Variants in DNAH8 observed in about 807,000 individuals in gnomAD.
DNAH8 encodes the protein axonemal beta dynein heavy chain 8.
A neutral mutation model predicts 562.1 loss-of-function variants in DNAH8; 382 were observed. The ratio of observed to expected loss-of-function variants is 0.68; its 90% confidence interval spans 0.63 to 0.74. DNAH8 has a LOEUF of 0.74. Ranked by LOEUF, DNAH8 falls within the 30% of genes least tolerant of loss-of-function variation. The probability of loss-of-function intolerance (pLI) is 0.00; values close to 1 mark genes in which losing one functional copy is unlikely to be tolerated. For synonymous variants in DNAH8, 1,881 were observed against 1,919.4 expected, an observed-to-expected ratio of 0.98 and a Z score of 0.52; for missense variants, 5,203 against 5,620.4, an observed-to-expected ratio of 0.93 and a Z score of 2.37.
At position 39,030,492 on chromosome 6, in the gene DNAH8, A is replaced by T; in HGVS notation, c.*100A>T. 1 of 1,058,424 alleles carries T rather than the reference A, an allele frequency of 9.4e-7. No homozygotes were observed. Among genetic ancestry groups the T allele is most frequent in the Non-Finnish European group, 1.4e-6 (1 of 733,790 alleles). The allele number at this position is 1,058,424 out of a possible 1,614,324, so 65.6% of individuals were successfully genotyped here. A position where few individuals can be genotyped will look rare whatever the true frequency, so the allele number is the denominator to read the frequency against. ...TGTCTTTTCTCCCCAGTAATTCCTT[A>T]ATTACTCTTTCTACATTAAAAAGTT... On this transcript the variant is annotated 3_prime_UTR_variant, in exon 93 of 93. Transcript: ENST00000327475.
Position 38,917,374 on chromosome 6 carries a change from T to G in DNAH8, c.10276T>G (p.Cys3426Gly). The G allele has an allele frequency of 6.2e-7, 1 of 1,613,696 alleles. No homozygotes were observed. The highest frequency in any genetic ancestry group is 1.7e-5 in the Admixed American group (1 of 59,996). The change falls in exon 69 of 93, where the codon TGC becomes GGC. Residue 3426 changes from cysteine (C) to glycine (G), a missense_variant. Cys to Gly is a radical substitution (Grantham distance 159). Transcript: ENST00000327475. ...DPVTMDPEKSCCKPSWGESLK... is the reference protein window; with the variant it reads ...DPVTMDPEKSGCKPSWGESLK... ...TGTTACTATGGATCCAGAAAAATCT[T>G]GCTGTAAGCCATCATGGGGAGAGTC...
intron 82 of DNAH8, among the ~76,000 whole-genome samples, chr6:38,958,646 C>CAAAAAAAAAA (rs35382684): frequency 1.7e-5 from 1 of 58,892 alleles, no homozygotes. Context: ...AGTCTCCCAT[C>CAAAAAAAAAA]AAAAAAAAAA....
chr6:38,890,598 T>C, intron 57 of DNAH8, 54 bp from the exon 58 acceptor site: 1 of 1,267,150 alleles, frequency 7.9e-7, no homozygotes, highest in Non-Finnish European at 1.2e-6. Context: ...GGGATAAACA[T>C]ATACTTGGAA....
rs956522825 is a variant in DNAH8 at position 38,935,807 on chromosome 6, A to G, written c.11563+110A>G. ...GATGTTAGGAAATACTCATGTTATCAATGCAAAAACAAGCAAGGCAATTTC... is the reference window on the plus strand; with the variant it reads ...GATGTTAGGAAATACTCATGTTATCGATGCAAAAACAAGCAAGGCAATTTC... On this transcript the variant is annotated intron_variant, in intron 77 of 92. Transcript: ENST00000327475. The G allele has an allele frequency of 1.1e-5, 8 of 761,154 alleles. No individual in the cohort carries two copies. In the Admixed American group the frequency reaches 2.5e-4, roughly 24 times the overall value. 47.2% of individuals were successfully genotyped at this position (761,154 alleles called of 1,614,324 possible). A position where few individuals can be genotyped will look rare whatever the true frequency, so the allele number is the denominator to read the frequency against.
rs368274290 is a variant in DNAH8 at position 38,926,328 on chromosome 6, A to C, written c.11118+118A>C. ...CCATGACAAATGTTTGCTAATTCAC[A>C]CTCTTGAGTTTTGTAACAGCAATTT... On this transcript the variant is annotated intron_variant, in intron 74 of 92. Coordinates refer to ENST00000327475, the MANE Select transcript of DNAH8 (RefSeq NM_001206927.2). 30 of 1,155,166 alleles carry C rather than the reference A, an allele frequency of 2.6e-5. No individual in the cohort carries two copies. In the East Asian group the frequency reaches 5.8e-4, roughly 22 times the overall value. 71.6% of individuals were successfully genotyped at this position (1,155,166 alleles called of 1,614,324 possible).
intron 88 of DNAH8, among the ~76,000 whole-genome samples, chr6:38,990,797 G>T (rs559386646): frequency 9.2e-5 from 14 of 152,292 alleles, no homozygotes; most frequent in African/African-American, 3.1e-4. Flanking sequence ...ATGCTCCCCA[G>T]TTCCAAGCCC....
intron 88 of DNAH8, among the ~76,000 whole-genome samples, chr6:39,004,893 C>A (rs1475326478): frequency 2.0e-5 from 3 of 152,148 alleles, no homozygotes; most frequent in Admixed American, 6.5e-5. Context: ...AAATAGTATT[C>A]CAGTGCCACA....
intron 91 of DNAH8, among the ~76,000 whole-genome samples, chr6:39,013,724 G>T (rs1766380677): frequency 6.6e-6 from 1 of 152,148 alleles, no homozygotes. Flanking sequence ...GGTGGCATGT[G>T]CCTGTAGTCC....
At chr6:38,837,727 A>G (rs1258456670) in intron 32 of DNAH8, among the ~76,000 whole-genome samples, 2 of 152,236 alleles carry the variant, frequency 1.3e-5, no homozygotes, top group African/African-American at 4.8e-5. Flanking sequence ...TTTATATAAA[A>G]TGAATGCTTT....
chr6:38,856,080 G>A (rs1040871677), intron 41 of DNAH8, among the ~76,000 whole-genome samples: 2 of 152,130 alleles, frequency 1.3e-5, no homozygotes, highest in Non-Finnish European at 1.5e-5. Context: ...CTATAATTTT[G>A]TGTCCTTTAG....
At chr6:38,970,607 A>G (rs1257245844) in intron 82 of DNAH8, among the ~76,000 whole-genome samples, 1 of 152,144 alleles carries the variant, frequency 6.6e-6, no homozygotes, top group Non-Finnish European at 1.5e-5. Context: ...TGCCATTTAA[A>G]TGGTGTGTCC....
At chr6:38,901,957 GC>G (rs1780110480) in intron 62 of DNAH8, among the ~76,000 whole-genome samples, 1 of 152,080 alleles carries the variant, frequency 6.6e-6, no homozygotes, top group Non-Finnish European at 1.5e-5. Context: ...CTCCCAGGTG[GC>G]AGAGCTCAGT....
At chr6:38,811,261 A>T (rs1771769581) in intron 24 of DNAH8, among the ~76,000 whole-genome samples, 1 of 152,214 alleles carries the variant, frequency 6.6e-6, no homozygotes, top group Non-Finnish European at 1.5e-5. Flanking sequence ...CACATAACTT[A>T]TTGTTCCAAC....
intron 11 of DNAH8, among the ~76,000 whole-genome samples, chr6:38,768,654 A>G (rs1425593869): frequency 1.3e-5 from 2 of 152,154 alleles, no homozygotes; most frequent in African/African-American, 4.8e-5. Context: ...AATTTCCCCA[A>G]TTTGTCTAAA....
chr6:38,890,198 C>T (rs933139703), intron 57 of DNAH8, among the ~76,000 whole-genome samples: 1 of 152,078 alleles, frequency 6.6e-6, no homozygotes, highest in South Asian at 2.1e-4. Context: ...CTTGAACAAT[C>T]GGCTTCACCT....
At chr6:39,024,442 G>A (rs1767138593) in intron 91 of DNAH8, among the ~76,000 whole-genome samples, 1 of 152,190 alleles carries the variant, frequency 6.6e-6, no homozygotes, top group South Asian at 2.1e-4. Flanking sequence ...CCTTAGAATG[G>A]AGAATTGGGT....
chr6:38,827,227 T>G (rs1773410577), intron 29 of DNAH8, among the ~76,000 whole-genome samples: 1 of 152,210 alleles, frequency 6.6e-6, no homozygotes, highest in African/African-American at 2.4e-5. Context: ...GGCCCGCCTG[T>G]TAATCCAGGG....
At chr6:38,913,108 C>T (rs1473007644) in intron 66 of DNAH8, among the ~76,000 whole-genome samples, 2 of 152,130 alleles carry the variant, frequency 1.3e-5, no homozygotes, top group Non-Finnish European at 2.9e-5. Flanking sequence ...ACCCGGCCTA[C>T]TCTATTTTCT....
intron 88 of DNAH8, among the ~76,000 whole-genome samples, chr6:38,994,650 T>C (rs1307149398): frequency 9.2e-4 from 6 of 6,506 alleles, no homozygotes; most frequent in South Asian, 4.7e-3. Context: ...TTTTTTTTTC[T>C]TTTTTTTTTT....
Sources: allele counts gnomAD v4.1 joint callset (sites outside exome capture counted in the v4.1 genomes callset), GRCh38; gene constraint gnomAD v4.1.1; transcripts MANE v1.5; gene names NCBI Gene and HGNC (gene_info 2026-07-23, HGNC 2026-07-21).